The following PCDHGC3 variants were observed in gnomAD, a reference collection of about 807,000 sequenced individuals.
PCDHGC3 encodes the protein protocadherin gamma subfamily C, 3.
PCDHGC3 carries 26 observed loss-of-function variants against 59.2 expected under a neutral mutation model. The observed-to-expected ratio is 0.44, with a 90% CI of 0.32 to 0.61. PCDHGC3 has a LOEUF of 0.61. Ranked by LOEUF, PCDHGC3 falls within the 20% of genes least tolerant of loss-of-function variation. The probability of loss-of-function intolerance (pLI) is 0.05; values close to 1 mark genes in which losing one functional copy is unlikely to be tolerated. For missense variants in PCDHGC3, 1,080 were observed against 1,221.8 expected, an observed-to-expected ratio of 0.88 and a Z score of 1.73; for synonymous variants, 487 against 519.7, an observed-to-expected ratio of 0.94 and a Z score of 0.86.
rs1245219009 is a variant in PCDHGC3, at chr5:141,478,442, C to G, written c.2326C>G (p.Pro776Ala). Residue 776 changes from proline (P) to alanine (A), a missense_variant, in exon 1 of 4, where the codon CCT (proline) becomes GCT (alanine). Coordinates refer to ENST00000308177, the MANE Select transcript of PCDHGC3 (RefSeq NM_002588.4). ...SRRSDPLLKK[P>A]GAASPLASRQ... ...CCGCAGCGACCCGCTGCTGAAGAAA[C>G]CTGGTGCAGCCAGTCCACTGGCCAG... 1 of 1,613,608 alleles carries G rather than the reference C, an allele frequency of 6.2e-7. No individual in the cohort carries two copies. Among genetic ancestry groups the G allele is most frequent in the Non-Finnish European group, 8.5e-7 (1 of 1,179,958 alleles).
chr5:141,504,135 C>T (rs758903340), intron 2 of PCDHGC3, among the ~76,000 whole-genome samples: 1 of 152,188 alleles, frequency 6.6e-6, no homozygotes, highest in Non-Finnish European at 1.5e-5. Context: ...CCCGCCAACA[C>T]TCCCCTGCAA....
intron 2 of PCDHGC3, among the ~76,000 whole-genome samples, chr5:141,495,193 T>C (rs1471524188): frequency 6.6e-6 from 1 of 152,192 alleles, no homozygotes; most frequent in Admixed American, 6.5e-5. Context: ...TCTATGCCCA[T>C]GTACTGCCTA....
rs768635851 is a variant in PCDHGC3 at position 141,489,334 on chromosome 5, C to G, written c.2431-5473C>G. 2 of 1,606,614 alleles carry G rather than the reference C, an allele frequency of 1.2e-6. No individual in the cohort carries two copies. Among genetic ancestry groups the G allele is most frequent in the Non-Finnish European group, 1.7e-6 (2 of 1,175,584 alleles). On this transcript the variant is annotated intron_variant, in intron 1 of 3. Coordinates refer to ENST00000308177, the MANE Select transcript of PCDHGC3 (RefSeq NM_002588.4). The surrounding 1 kb of genome is among the most constrained non-coding windows in gnomAD (Gnocchi z 4.5). Reference sequence around the variant, plus strand: ...CTGGGGCTGGGTGTCTGGGCAGCTTCGTTACTCAGTGGTGGAGGAGTCTGA... The same window carrying G: ...CTGGGGCTGGGTGTCTGGGCAGCTTGGTTACTCAGTGGTGGAGGAGTCTGA...
intron 1 of PCDHGC3, among the ~76,000 whole-genome samples, chr5:141,480,513 C>T (rs1376669385): frequency 7.9e-6 from 1 of 127,246 alleles, no homozygotes. Context: ...ATGAGAACAA[C>T]CAAAAATGAC....
intron 2 of PCDHGC3, 58 bp downstream of exon 2, chr5:141,494,923 G>T: frequency 6.2e-7 from 1 of 1,613,698 alleles, no homozygotes; most frequent in Non-Finnish European, 8.5e-7. Context: ...CAGGGATGAC[G>T]TGGGAGGAGA....
intron 2 of PCDHGC3, among the ~76,000 whole-genome samples, chr5:141,495,678 C>T (rs1340336428): frequency 6.6e-6 from 1 of 152,180 alleles, no homozygotes; most frequent in African/African-American, 2.4e-5. Context: ...CTGTGCCTGC[C>T]ATGGCATAAG....
In PCDHGC3 at chr5:141,485,735, G is replaced by A; in HGVS notation, c.2430+7189G>A. 6.2e-7 allele frequency: 1 copy of A among 1,614,166 alleles called. No homozygotes were observed. The highest frequency in any genetic ancestry group is 8.5e-7 in the Non-Finnish European group (1 of 1,180,036). On this transcript the variant is annotated intron_variant, in intron 1 of 3. Coordinates refer to ENST00000308177, the MANE Select transcript of PCDHGC3 (RefSeq NM_002588.4). The surrounding 1 kb of genome is among the most constrained non-coding windows in gnomAD (Gnocchi z 5.7). Reference sequence around the variant, plus strand: ...ACTGGATGTGAAGAAGCGCAGCGACGGCAGCCTGGTCCCAGAGCTGCTCCT... The same window carrying A: ...ACTGGATGTGAAGAAGCGCAGCGACAGCAGCCTGGTCCCAGAGCTGCTCCT...
Position 141,478,165 on chromosome 5 carries a change from C to G in PCDHGC3, c.2049C>G (p.Pro683=), listed in dbSNP as rs780594020. Residue 683 remains proline (P), a synonymous_variant, in exon 1 of 4, where the codon CCC becomes CCG. Coordinates refer to ENST00000308177, the MANE Select transcript of PCDHGC3 (RefSeq NM_002588.4). Reference sequence around the variant, plus strand: ...CCGAGTTCCCCTCTGGCTCTGCCCCCCGGGAGCAGAAAAAAAATCTCACCT... The same window carrying G: ...CCGAGTTCCCCTCTGGCTCTGCCCCGCGGGAGCAGAAAAAAAATCTCACCT... ...ARAEFPSGSA[P]REQKKNLTFY... 8.1e-6 allele frequency: 13 copies of G among 1,613,920 alleles called. No homozygotes were observed. The highest frequency in any genetic ancestry group is 1.3e-5 in the African/African-American group (1 of 74,946).
intron 3 of PCDHGC3, among the ~76,000 whole-genome samples, chr5:141,506,116 A>T: frequency 6.6e-6 from 1 of 152,136 alleles, no homozygotes; most frequent in East Asian, 1.9e-4. Flanking sequence ...AAGAGTCACT[A>T]GGGCCCAGAG....
At position 141,478,023 on chromosome 5, in the gene PCDHGC3, A is replaced by G. The variant is rs2099428714; in HGVS notation, c.1907A>G (p.Asp636Gly). Residue 636 changes from aspartate to glycine, a missense_variant, in exon 1 of 4, where the codon GAC becomes GGC. By Grantham distance (94) the Asp-to-Gly change is moderately conservative (BLOSUM62 -1). Coordinates refer to ENST00000308177, the MANE Select transcript of PCDHGC3 (RefSeq NM_002588.4). The stretch of plus-strand genomic sequence containing the variant: ...ATCAGTACTGCCCGTCCAGTCCAAG[A>G]CACAGATTCACCCAGGCAGACTCTC... ...GQISTARPVQ[D>G]TDSPRQTLTV... 1 of 1,614,112 alleles carries G rather than the reference A, an allele frequency of 6.2e-7. No homozygotes were observed. Among genetic ancestry groups the G allele is most frequent in the South Asian group, 1.1e-5 (1 of 91,080 alleles).
chr5:141,487,803 A>G lies in PCDHGC3; in HGVS notation c.2431-7004A>G. On this transcript the variant is annotated intron_variant, in intron 1 of 3. Transcript: ENST00000308177. The surrounding 1 kb of genome is among the most constrained non-coding windows in gnomAD (Gnocchi z 5.0). ...TTCGTGAATTAACCAGAGTTGTCAC[A>G]GTTTAGCATTGGGGGCGGGTCATGC... 2.0e-6 allele frequency: 3 copies of G among 1,466,166 alleles called. No individual in the cohort carries two copies. The highest frequency in any genetic ancestry group is 2.8e-6 in the Non-Finnish European group (3 of 1,084,448). The allele number at this position is 1,466,166 out of a possible 1,614,324, so 90.8% of individuals were successfully genotyped here. A position where few individuals can be genotyped will look rare whatever the true frequency, so the allele number is the denominator to read the frequency against.
At chr5:141,482,555 T>C (rs1419129474) in intron 1 of PCDHGC3, among the ~76,000 whole-genome samples, 1 of 116,392 alleles carries the variant, frequency 8.6e-6, no homozygotes, top group African/African-American at 3.8e-5. Context: ...AAAAAGATAA[T>C]GGAGATCTGC....
At chr5:141,505,816 C>A (rs1236221927) in intron 3 of PCDHGC3, among the ~76,000 whole-genome samples, 2 of 152,178 alleles carry the variant, frequency 1.3e-5, no homozygotes, top group African/African-American at 4.8e-5. Flanking sequence ...CTTGCTCAAT[C>A]TCTCTAAACC....
chr5:141,478,549 A>G lies in PCDHGC3; in HGVS notation c.2430+3A>G, dbSNP rs369095515. 8 of 1,602,904 alleles carry G rather than the reference A, an allele frequency of 5.0e-6. No individual in the cohort carries two copies. In the African/African-American group the frequency reaches 1.1e-4, roughly 21 times the overall value. On this transcript the variant is annotated splice_donor_region_variant and intron_variant, in intron 1 of 3. Coordinates refer to ENST00000308177, the MANE Select transcript of PCDHGC3 (RefSeq NM_002588.4). ...CAGAGAGCGCCCCTCCCGGACAGGT[A>G]AGGTTTAGCAAGTCATGCTTGACCC...
rs773944794 is a variant in PCDHGC3 at position 141,477,003 on chromosome 5, C to T, written c.887C>T (p.Ala296Val). 1.2e-6 allele frequency: 2 copies of T among 1,614,214 alleles called. No homozygotes were observed. The highest frequency in any genetic ancestry group is 8.5e-7 in the Non-Finnish European group (1 of 1,180,040). The change falls in exon 1 of 4, where the codon GCC (alanine) becomes GTC (valine). Residue 296 changes from alanine to valine, a missense_variant. Transcript: ENST00000308177. This position sits in a 1 kb window ranked among gnomAD's most constrained non-coding sequence, Gnocchi z 4.9. ...HNRAGVRQLFALDLVTGMLTI... is the reference protein window; with the variant it reads ...HNRAGVRQLFVLDLVTGMLTI... ...CGCGCCGGCGTGCGGCAACTATTCG[C>T]CTTAGACCTTGTAACCGGGATGCTG...
At chr5:141,499,625 C>A (rs1238895570) in intron 2 of PCDHGC3, among the ~76,000 whole-genome samples, 1 of 149,832 alleles carries the variant, frequency 6.7e-6, no homozygotes, top group East Asian at 2.0e-4. Flanking sequence ...TCCTTGGATT[C>A]TTTTGAAGCA....
intron 1 of PCDHGC3, among the ~76,000 whole-genome samples, chr5:141,483,658 G>C (rs906346163): frequency 1.4e-4 from 22 of 152,028 alleles, no homozygotes; most frequent in Non-Finnish European, 2.4e-4. Context: ...TTGTGTGTGT[G>C]TGTGTGTGTG....
intron 1 of PCDHGC3, among the ~76,000 whole-genome samples, chr5:141,483,015 G>A (rs916071219): frequency 2.0e-5 from 3 of 152,044 alleles, no homozygotes; most frequent in African/African-American, 7.2e-5. Context: ...AACCCGGGAG[G>A]CAGAGGTTGC....
At chr5:141,488,385 G>A (rs917106670) in intron 1 of PCDHGC3, among the ~76,000 whole-genome samples, 11 of 152,164 alleles carry the variant, frequency 7.2e-5, no homozygotes, top group Non-Finnish European at 1.5e-5. Context: ...TCCTGAATTT[G>A]GTGAAACCAT....
Sources: allele counts gnomAD v4.1 joint callset (sites outside exome capture counted in the v4.1 genomes callset), GRCh38; gene constraint gnomAD v4.1.1; non-coding constraint Gnocchi (gnomAD v3.1); transcripts MANE v1.5; gene names NCBI Gene and HGNC (gene_info 2026-07-23, HGNC 2026-07-21).